Variants in PTCHD4 observed in about 807,000 individuals in gnomAD.
The protein encoded by PTCHD4 is patched domain containing 4.
Under a neutral mutation model 58.1 loss-of-function variants are expected in PTCHD4, and 33 were observed. The observed-to-expected ratio is 0.57, with a 90% CI of 0.43 to 0.76. The LOEUF (loss-of-function observed/expected upper bound fraction) is 0.76, where lower values mean the gene tolerates loss of function less well. Among genes scored for constraint, PTCHD4 ranks in the 30% least tolerant of loss-of-function variants. PTCHD4 has a pLI of 0.00. For synonymous variants in PTCHD4, 478 were observed against 409.6 expected (o/e 1.17, Z -2.02); for missense variants, 1,058 against 1,027.1 (o/e 1.03, Z -0.41).
chr6:47,952,476 C>G (rs1766691037), intron 4 of PTCHD4, among the ~76,000 whole-genome samples: 1 of 152,046 alleles, frequency 6.6e-6, no homozygotes, highest in Non-Finnish European at 1.5e-5. Context: ...GCTAAATTAA[C>G]TGTAGAATAA....
intron 4 of PTCHD4, among the ~76,000 whole-genome samples, chr6:47,891,383 C>G (rs190407235): frequency 1.3e-5 from 2 of 152,054 alleles, no homozygotes; most frequent in East Asian, 3.9e-4. Flanking sequence ...CAGCATCAGA[C>G]AAGGCCATTC....
intron 3 of PTCHD4, among the ~76,000 whole-genome samples, chr6:48,056,839 G>A (rs1037889793): frequency 1.3e-5 from 2 of 152,188 alleles, no homozygotes; most frequent in South Asian, 2.1e-4. Flanking sequence ...TGGTGACCAT[G>A]TGACACTGAA....
chr6:47,991,466 C>T (rs1768278004), intron 4 of PTCHD4, among the ~76,000 whole-genome samples: 2 of 151,906 alleles, frequency 1.3e-5, no homozygotes, highest in South Asian at 2.1e-4. Flanking sequence ...TTCTAGAGAA[C>T]TAAATAATGT....
intron 4 of PTCHD4, among the ~76,000 whole-genome samples, chr6:47,940,744 A>G (rs184723589): frequency 6.6e-6 from 1 of 152,300 alleles, no homozygotes; most frequent in East Asian, 1.9e-4. Context: ...GGAAAAACCA[A>G]TTTAGATGTT....
intron 1 of PTCHD4, among the ~76,000 whole-genome samples, chr6:48,079,224 C>A (rs1181100471): frequency 2.0e-5 from 3 of 151,972 alleles, no homozygotes; most frequent in Non-Finnish European, 4.4e-5. Flanking sequence ...TTACTGTACC[C>A]AGAGAGAAAC....
intron 4 of PTCHD4, among the ~76,000 whole-genome samples, chr6:47,922,615 C>A (rs189042712): frequency 6.6e-6 from 1 of 152,224 alleles, no homozygotes; most frequent in Non-Finnish European, 1.5e-5. Context: ...CAAGTGGAAT[C>A]TGGGCTGGAT....
chr6:47,969,671 T>C (rs1049369524), intron 4 of PTCHD4, among the ~76,000 whole-genome samples: 33 of 152,250 alleles, frequency 2.2e-4, no homozygotes, highest in Middle Eastern at 6.8e-3. Context: ...GAAATATTCT[T>C]TTAGGGGGCT....
intron 1 of PTCHD4, among the ~76,000 whole-genome samples, chr6:48,081,278 A>G (rs1478370744): frequency 6.6e-6 from 1 of 152,218 alleles, no homozygotes; most frequent in East Asian, 1.9e-4. Flanking sequence ...TACCTCCTGA[A>G]TTCACTTGAA....
chr6:47,988,006 A>T (rs1157615052), intron 4 of PTCHD4, among the ~76,000 whole-genome samples: 1 of 151,934 alleles, frequency 6.6e-6, no homozygotes, highest in Non-Finnish European at 1.5e-5. Context: ...CAAACTCCTG[A>T]CTTCAGGTGA....
At chr6:48,104,440 T>G (rs557658425) in intron 1 of PTCHD4, among the ~76,000 whole-genome samples, 2 of 152,096 alleles carry the variant, frequency 1.3e-5, no homozygotes, top group Non-Finnish European at 2.9e-5. Flanking sequence ...CTAAAAGAGC[T>G]CCTGAAGGAA....
At chr6:47,885,056 G>A (rs770618013) in intron 4 of PTCHD4, among the ~76,000 whole-genome samples, 25 of 152,080 alleles carry the variant, frequency 1.6e-4, no homozygotes, top group Non-Finnish European at 3.4e-4. Flanking sequence ...GCCACACTTT[G>A]GTCATGATTT....
intron 3 of PTCHD4, among the ~76,000 whole-genome samples, chr6:48,011,156 T>A (rs1582017117): frequency 6.6e-6 from 1 of 152,106 alleles, no homozygotes; most frequent in African/African-American, 2.4e-5. Context: ...ATCGCCACAC[T>A]GTCTTCCACA....
rs1055823194 is a variant in PTCHD4 at position 47,899,610 on chromosome 6, T to C, written c.899-19674A>G. ...AGAAATGGAAAGTGAACCCCTTCCG[T>C]TTGTTTTTAACAGCTTTATTGTGAT... On this transcript the variant is annotated intron_variant, in intron 4 of 4. Coordinates refer to ENST00000339488, the MANE Select transcript of PTCHD4 (RefSeq NM_001384253.1). 3 of 977,510 alleles carry C rather than the reference T, an allele frequency of 3.1e-6. No individual in the cohort carries two copies. In the African/African-American group the frequency reaches 5.3e-5, roughly 17 times the overall value. 60.6% of individuals were successfully genotyped at this position (977,510 alleles called of 1,614,324 possible).
intron 3 of PTCHD4, among the ~76,000 whole-genome samples, chr6:48,026,949 T>TA: frequency 6.6e-6 from 1 of 150,748 alleles, no homozygotes; most frequent in African/African-American, 2.4e-5. Context: ...ACAATTCAGA[T>TA]AAAAAAGTAA....
chr6:48,051,955 A>C (rs1458492785), intron 3 of PTCHD4, among the ~76,000 whole-genome samples: 1 of 152,012 alleles, frequency 6.6e-6, no homozygotes, highest in Non-Finnish European at 1.5e-5. Flanking sequence ...CTGTGCTGCT[A>C]ACTTCCTATT....
chr6:47,956,679 T>C (rs1766875006), intron 4 of PTCHD4, among the ~76,000 whole-genome samples: 1 of 152,112 alleles, frequency 6.6e-6, no homozygotes, highest in South Asian at 2.1e-4. Context: ...GCGATCTGCC[T>C]GCCTCGGCCT....
intron 4 of PTCHD4, among the ~76,000 whole-genome samples, chr6:47,956,503 G>A (rs1456418680): frequency 6.6e-6 from 1 of 151,386 alleles, no homozygotes; most frequent in East Asian, 2.0e-4. Context: ...GCATGATCTC[G>A]GCTTACTGCA....
chr6:47,939,036 G>A (rs1766113450), intron 4 of PTCHD4, among the ~76,000 whole-genome samples: 1 of 152,120 alleles, frequency 6.6e-6, no homozygotes, highest in African/African-American at 2.4e-5. Flanking sequence ...AAAGTTACAG[G>A]GGGAAAATGG....
intron 1 of PTCHD4, among the ~76,000 whole-genome samples, chr6:48,075,498 ACCTTG>A (rs1765047693): frequency 6.7e-6 from 1 of 149,598 alleles, no homozygotes; most frequent in Non-Finnish European, 1.5e-5. Context: ...CCACTATATC[ACCTTG>A]GTCAAATCAT....
Sources: allele counts gnomAD v4.1 joint callset (sites outside exome capture counted in the v4.1 genomes callset), GRCh38; gene constraint gnomAD v4.1.1; transcripts MANE v1.5; gene names NCBI Gene and HGNC (gene_info 2026-07-23, HGNC 2026-07-21).